MCFD2: variants seen among roughly 807,000 people sequenced by gnomAD.
MCFD2 encodes multiple coagulation factor deficiency 2, ER cargo receptor complex subunit, also known as multiple coagulation factor deficiency protein 2.
A neutral mutation model predicts 12.8 loss-of-function variants in MCFD2; 11 were observed. The ratio of observed to expected loss-of-function variants is 0.86; its 90% CI spans 0.54 to 1.42. The LOEUF is 1.42. Among genes scored for constraint, MCFD2 ranks in the 40% most tolerant of loss-of-function variants. The pLI is 0.00. For missense variants in MCFD2, 191 were observed against 178.6 expected, an observed-to-expected ratio of 1.07 and a Z score of -0.40; for synonymous variants, 70 against 68.1, an observed-to-expected ratio of 1.03 and a Z score of -0.14.
chr2:46,914,377 C>T (rs1668609465), intron 1 of MCFD2, among the ~76,000 whole-genome samples: 1 of 152,196 alleles, frequency 6.6e-6, no homozygotes, highest in Non-Finnish European at 1.5e-5. Context: ...GTACCCACAG[C>T]CAATGCCAAA....
Position 46,927,506 on chromosome 2 carries a change from G to A in MCFD2, c.-8+14066C>T, listed in dbSNP as rs201153679. ...AGAGTAGCTGGGACTACAGGCATCC[G>A]CCACCACGCCCGGCTAATTTTGTTT... On this transcript the variant is annotated intron_variant, in intron 1 of 2. Coordinates refer to the MCFD2 transcript ENST00000409147. Among the ~76,000 whole-genome samples the A allele has an allele frequency of 6.1e-4, 92 of 151,888 alleles. 2 individuals carry two copies. In the East Asian group the frequency reaches 0.011, roughly 18 times the overall value.
rs1355295610 is a variant in MCFD2 at position 46,907,725 on chromosome 2, C to T, written c.309+85G>A. The T allele has an allele frequency of 3.0e-5, 43 of 1,423,348 alleles. No individual in the cohort carries two copies. The highest frequency in any genetic ancestry group is 4.0e-5 in the Non-Finnish European group (41 of 1,013,846). 88.2% of individuals were successfully genotyped at this position (1,423,348 alleles called of 1,614,324 possible). On this transcript the variant is annotated intron_variant, in intron 3 of 3. Coordinates refer to ENST00000319466, the MANE Select transcript of MCFD2 (RefSeq NM_139279.6). The surrounding 1 kb of genome is among the most constrained non-coding windows in gnomAD (Gnocchi z 4.1). Reference sequence around the variant, plus strand: ...AAGCAGCACTCTTGGCACATAAGGACAACACAAGTCAACAAGACTGGGGAC... The same window carrying T: ...AAGCAGCACTCTTGGCACATAAGGATAACACAAGTCAACAAGACTGGGGAC...
upstream of MCFD2, chr2:46,917,416 C>T: frequency 3.5e-6 from 2 of 563,534 alleles, no homozygotes; most frequent in Middle Eastern, 2.6e-4. Flanking sequence ...TGCCATTCAT[C>T]CATCTCTTCA....
At chr2:46,905,692 TA>T in intron 3 of MCFD2, 98 bp from the exon 4 acceptor site, 10 of 835,034 alleles carry the variant, frequency 1.2e-5, no homozygotes, top group South Asian at 1.7e-5. Flanking sequence ...TGGCACTGTT[TA>T]TTAAAAAAAA....
chr2:46,941,777 G>A lies in MCFD2; in HGVS notation c.-213C>T. 1 of 1,544,392 alleles carries A rather than the reference G, an allele frequency of 6.5e-7. No homozygotes were observed. The highest frequency in any genetic ancestry group is 8.7e-7 in the Non-Finnish European group (1 of 1,143,992). On this transcript the variant is annotated 5_prime_UTR_variant, in exon 1 of 3. Coordinates refer to the MCFD2 transcript ENST00000409147. This position sits in a 1 kb window ranked among gnomAD's most constrained non-coding sequence, Gnocchi z 4.2. ...CGGCAGCGAGCGCGCGAAACGCACC[G>A]CCTCCTCCAGGAAGCGCGCCCAGAC...
At position 46,940,315 on chromosome 2, in the gene MCFD2, A is replaced by G. The variant is rs1042318607; in HGVS notation, c.-8+1257T>C. ...TTGAGTCTTCAGTCTGGACCATACA[A>G]TGTGTCACTTAAATGCCGGTGGTTT... On this transcript the variant is annotated intron_variant, in intron 1 of 2. Coordinates refer to the MCFD2 transcript ENST00000409147. This position sits in a 1 kb window ranked among gnomAD's most constrained non-coding sequence, Gnocchi z 4.7. 6.6e-6 allele frequency among the ~76,000 whole-genome samples: 1 copy of G among 152,086 alleles called. No individual in the cohort carries two copies. Among genetic ancestry groups the G allele is most frequent in the Non-Finnish European group, 1.5e-5 (1 of 68,014 alleles).
At chr2:46,933,662 G>T (rs1218781691) in intron 1 of MCFD2, among the ~76,000 whole-genome samples, 1 of 152,236 alleles carries the variant, frequency 6.6e-6, no homozygotes, top group Non-Finnish European at 1.5e-5. Context: ...ATTTCCGAAT[G>T]TAGCGATCCT....
rs995860693 is a variant in MCFD2 at position 46,907,525 on chromosome 2, C to T, written c.309+285G>A. ...TTAGCCTCCTGAGTACGTAGAACTA[C>T]GGGCATGCACTACCAGGCCTGGCTA... is the stretch of plus-strand genomic sequence containing the variant. On this transcript the variant is annotated intron_variant, in intron 3 of 3. Coordinates refer to ENST00000319466, the MANE Select transcript of MCFD2 (RefSeq NM_139279.6). The surrounding 1 kb of genome is among the most constrained non-coding windows in gnomAD (Gnocchi z 4.1). 82 of 415,040 alleles carry T rather than the reference C, an allele frequency of 2.0e-4. No individual in the cohort carries two copies. The highest frequency in any genetic ancestry group is 1.1e-4 in the Admixed American group (3 of 28,214). The allele number at this position is 415,040 out of a possible 1,614,324, so 25.7% of individuals were successfully genotyped here.
At chr2:46,933,845 T>G (rs1669831973) in intron 1 of MCFD2, among the ~76,000 whole-genome samples, 1 of 152,162 alleles carries the variant, frequency 6.6e-6, no homozygotes, top group South Asian at 2.1e-4. Flanking sequence ...CATAAAAAAG[T>G]CAGAGCACTG....
At chr2:46,935,810 T>A (rs1669948232) in intron 1 of MCFD2, among the ~76,000 whole-genome samples, 1 of 152,238 alleles carries the variant, frequency 6.6e-6, no homozygotes, top group South Asian at 2.1e-4. Flanking sequence ...AATTTTTCTT[T>A]TAGGTGTGAT....
chr2:46,916,134 T>A, upstream of MCFD2: 1 of 985,544 alleles, frequency 1.0e-6, no homozygotes, highest in Non-Finnish European at 1.2e-6. Context: ...ACCCCAAAGC[T>A]GGCTCCCAAC....
intron 1 of MCFD2, chr2:46,914,145 C>T (rs1350823143): frequency 3.3e-5 from 5 of 152,294 alleles, no homozygotes; most frequent in African/African-American, 9.7e-5. Flanking sequence ...GTGTATTGTT[C>T]CCTATCCCAC....
intron 1 of MCFD2, among the ~76,000 whole-genome samples, chr2:46,932,016 C>T (rs1328496982): frequency 6.6e-6 from 1 of 152,136 alleles, no homozygotes; most frequent in African/African-American, 2.4e-5. Context: ...ATGACAATCT[C>T]AGTAAGTGCA....
At chr2:46,906,458 A>C (rs187471315) in intron 3 of MCFD2, among the ~76,000 whole-genome samples, 8 of 151,178 alleles carry the variant, frequency 5.3e-5, no homozygotes, top group Admixed American at 1.3e-4. Flanking sequence ...AATGACATTA[A>C]ATGTGGAGGC....
At chr2:46,920,942 G>T (rs1669072177) in intron 1 of MCFD2, among the ~76,000 whole-genome samples, 1 of 150,706 alleles carries the variant, frequency 6.6e-6, no homozygotes. Flanking sequence ...TTTTAAAAAG[G>T]CATCTGACAA....
intron 1 of MCFD2, among the ~76,000 whole-genome samples, chr2:46,926,428 G>T (rs1669386909): frequency 1.3e-5 from 2 of 152,128 alleles, no homozygotes; most frequent in Non-Finnish European, 2.9e-5. Context: ...GGTCGCCATG[G>T]GAGCACACAG....
In MCFD2 at chr2:46,908,788, G is replaced by T; in HGVS notation, c.149+235C>A. The T allele has an allele frequency of 1.7e-6, 1 of 575,290 alleles. No homozygotes were observed. The highest frequency in any genetic ancestry group is 2.0e-5 in the South Asian group (1 of 50,430). The allele number at this position is 575,290 out of a possible 1,614,324, so 35.6% of individuals were successfully genotyped here. On this transcript the variant is annotated intron_variant, in intron 2 of 3. Transcript: ENST00000319466. The surrounding 1 kb of genome is among the most constrained non-coding windows in gnomAD (Gnocchi z 4.5). ...CTGTGGTGAAAAAAAGGAGAGACCG[G>T]ATTCAGACAAGTAATGTGCCCCATT... is the stretch of plus-strand genomic sequence containing the variant.
Position 46,907,666 on chromosome 2 carries a change from G to T in MCFD2, c.309+144C>A. On this transcript the variant is annotated intron_variant, in intron 3 of 3. Coordinates refer to ENST00000319466, the MANE Select transcript of MCFD2 (RefSeq NM_139279.6). This position sits in a 1 kb window ranked among gnomAD's most constrained non-coding sequence, Gnocchi z 4.1. ...TCCACTTTGGCCTCCCAAAGTGCTGGGATTACAGATGCGAGCCATCATGCC... is the reference window on the plus strand; with the variant it reads ...TCCACTTTGGCCTCCCAAAGTGCTGTGATTACAGATGCGAGCCATCATGCC... 1.1e-6 allele frequency: 1 copy of T among 906,358 alleles called. No homozygotes were observed. The highest frequency in any genetic ancestry group is 1.8e-6 in the Non-Finnish European group (1 of 568,674). The allele number at this position is 906,358 out of a possible 1,614,324, so 56.1% of individuals were successfully genotyped here.
chr2:46,941,813 C>G lies in MCFD2; in HGVS notation c.-249G>C. ...GAAGCGCGCCCAGACAGTCCTCGGCCGACAGCGGGCGCCTGCCAGCCCACC... is the reference window on the plus strand; with the variant it reads ...GAAGCGCGCCCAGACAGTCCTCGGCGGACAGCGGGCGCCTGCCAGCCCACC... On this transcript the variant is annotated 5_prime_UTR_variant, in exon 1 of 3. Transcript: ENST00000409147. This position sits in a 1 kb window ranked among gnomAD's most constrained non-coding sequence, Gnocchi z 4.2. 4 of 1,495,620 alleles carry G rather than the reference C, an allele frequency of 2.7e-6. No homozygotes were observed. The highest frequency in any genetic ancestry group is 3.6e-6 in the Non-Finnish European group (4 of 1,107,674). 92.6% of individuals were successfully genotyped at this position (1,495,620 alleles called of 1,614,324 possible).
Sources: allele counts gnomAD v4.1 joint callset (sites outside exome capture counted in the v4.1 genomes callset), GRCh38; gene constraint gnomAD v4.1.1; non-coding constraint Gnocchi (gnomAD v3.1); transcripts MANE v1.5; gene names NCBI Gene and HGNC (gene_info 2026-07-23, HGNC 2026-07-21).